ANKRD44: variants seen among roughly 807,000 people sequenced by gnomAD.
The protein encoded by ANKRD44 is serine/threonine-protein phosphatase 6 regulatory ankyrin repeat subunit B.
In ANKRD44, 35 loss-of-function variants were observed where a neutral mutation model predicts 116.0. That is an observed-to-expected ratio of 0.30 (90% confidence interval 0.23 to 0.40). The LOEUF (loss-of-function observed/expected upper bound fraction) is 0.40, where lower values mean the gene tolerates loss of function less well. Ranked by LOEUF, ANKRD44 falls within the 10% of genes least tolerant of loss-of-function variation. The pLI is 1.00. For synonymous variants in ANKRD44, 435 were observed against 461.8 expected, an observed-to-expected ratio of 0.94 and a Z score of 0.74; for missense variants, 1,014 against 1,242.6, an observed-to-expected ratio of 0.82 and a Z score of 2.77.
At chr2:197,181,902 G>A (rs948553439) in intron 2 of ANKRD44, among the ~76,000 whole-genome samples, 6 of 152,064 alleles carry the variant, frequency 3.9e-5, no homozygotes, top group Admixed American at 3.9e-4. Flanking sequence ...CCATTCTCTT[G>A]TCCTCTCCAA....
At chr2:197,134,986 T>C (rs749627053) in intron 4 of ANKRD44, 14 of 152,164 alleles carry the variant, frequency 9.2e-5, no homozygotes, top group Non-Finnish European at 1.8e-4. Flanking sequence ...CATGAGAAGA[T>C]TCTGAATTCT....
chr2:197,279,353 G>A (rs1246298348), intron 1 of ANKRD44, among the ~76,000 whole-genome samples: 2 of 152,160 alleles, frequency 1.3e-5, no homozygotes, highest in Non-Finnish European at 2.9e-5. Flanking sequence ...AAGCCATTGA[G>A]TCTCTATATA....
intron 6 of ANKRD44, among the ~76,000 whole-genome samples, chr2:197,123,499 C>T (rs2125331286): frequency 6.6e-6 from 1 of 152,288 alleles, no homozygotes; most frequent in African/African-American, 2.4e-5. Flanking sequence ...GGCATGGTGG[C>T]ACATGCCTGT....
chr2:197,169,023 C>A (rs147213589), intron 2 of ANKRD44, among the ~76,000 whole-genome samples: 1 of 152,290 alleles, frequency 6.6e-6, no homozygotes, highest in African/African-American at 2.4e-5. Context: ...TAAGTGGAAT[C>A]CAAACTCCTC....
At chr2:197,295,658 G>A (rs1380628509) in intron 1 of ANKRD44, among the ~76,000 whole-genome samples, 4 of 152,164 alleles carry the variant, frequency 2.6e-5, no homozygotes. Context: ...AAAGAAAACT[G>A]AGGCCCAAGG....
chr2:197,121,660 T>A (rs1157643644), intron 7 of ANKRD44, 116 bp from the exon 8 acceptor site: 1 of 872,588 alleles, frequency 1.1e-6, no homozygotes. Flanking sequence ...GCCAATATAA[T>A]TGTTCAGAGC....
intron 16 of ANKRD44, chr2:197,029,613 C>A: frequency 2.4e-6 from 1 of 418,280 alleles, no homozygotes; most frequent in South Asian, 1.8e-5. Flanking sequence ...AATGCAGAGT[C>A]ACTCCAGGGA....
chr2:197,136,487 G>T, intron 4 of ANKRD44, 105 bp downstream of exon 4: 2 of 1,035,820 alleles, frequency 1.9e-6, no homozygotes, highest in Non-Finnish European at 1.5e-6. Context: ...TCTTACATTA[G>T]AGGTAAAAGC....
chr2:197,010,064 A>G (rs2076270083), intron 18 of ANKRD44, among the ~76,000 whole-genome samples: 1 of 151,996 alleles, frequency 6.6e-6, no homozygotes, highest in Non-Finnish European at 1.5e-5. Flanking sequence ...AGGAGGAGGA[A>G]GGCGAGGAAG....
At chr2:197,048,545 T>G (rs1253437503) in intron 16 of ANKRD44, among the ~76,000 whole-genome samples, 1 of 152,238 alleles carries the variant, frequency 6.6e-6, no homozygotes, top group East Asian at 1.9e-4. Context: ...CTGCATAGTA[T>G]TCCATGGTGT....
At chr2:197,062,588 G>C (rs566864687) in intron 16 of ANKRD44, among the ~76,000 whole-genome samples, 1 of 152,064 alleles carries the variant, frequency 6.6e-6, no homozygotes, top group Non-Finnish European at 1.5e-5. Context: ...CTACCCAAGG[G>C]AAGCACCTGG....
intron 16 of ANKRD44, among the ~76,000 whole-genome samples, chr2:197,073,320 C>T (rs1203486804): frequency 6.6e-6 from 1 of 152,186 alleles, no homozygotes; most frequent in Non-Finnish European, 1.5e-5. Flanking sequence ...GTGAATGGAC[C>T]TTCCTGCTGG....
At chr2:197,209,909 A>G (rs927502570) in intron 1 of ANKRD44, among the ~76,000 whole-genome samples, 1 of 152,172 alleles carries the variant, frequency 6.6e-6, no homozygotes, top group African/African-American at 2.4e-5. Context: ...TGCGGCTAGA[A>G]GTTGAGGGCT....
intron 16 of ANKRD44, chr2:197,029,080 T>A (rs1277838772): frequency 6.0e-6 from 1 of 166,470 alleles, no homozygotes; most frequent in East Asian, 1.8e-4. Context: ...GCTGCACCCA[T>A]TAACTCGTCA....
chr2:197,074,972 G>A (rs1344689169), intron 16 of ANKRD44, among the ~76,000 whole-genome samples: 2 of 152,074 alleles, frequency 1.3e-5, no homozygotes, highest in African/African-American at 4.8e-5. Context: ...GAAGCTCCTA[G>A]AATATGTAAG....
intron 1 of ANKRD44, among the ~76,000 whole-genome samples, chr2:197,299,121 C>T (rs2083816115): frequency 6.6e-6 from 1 of 152,058 alleles, no homozygotes; most frequent in Non-Finnish European, 1.5e-5. Context: ...CTATTCACTG[C>T]AACTAGTCTG....
At chr2:197,028,147 G>A (rs976944861) in intron 16 of ANKRD44, among the ~76,000 whole-genome samples, 4 of 152,282 alleles carry the variant, frequency 2.6e-5, no homozygotes, top group Middle Eastern at 3.4e-3. Context: ...ACTAGCAATA[G>A]TATAGGTTAA....
intron 10 of ANKRD44, among the ~76,000 whole-genome samples, chr2:197,091,197 C>T (rs936747320): frequency 2.0e-5 from 3 of 152,216 alleles, no homozygotes; most frequent in Non-Finnish European, 4.4e-5. Flanking sequence ...TTGGGAGTTG[C>T]AGGCACCCCC....
chr2:197,249,730 G>T (rs953753603), intron 1 of ANKRD44, among the ~76,000 whole-genome samples: 3 of 152,134 alleles, frequency 2.0e-5, no homozygotes, highest in Non-Finnish European at 4.4e-5. Flanking sequence ...TTTATTTTGA[G>T]AATATTTATC....
Sources: gnomAD v4.1 joint callset for allele counts (sites outside exome capture counted in the v4.1 genomes callset) on GRCh38, gnomAD v4.1.1 for gene constraint, MANE v1.5 for transcripts, NCBI Gene and HGNC (gene_info 2026-07-23, HGNC 2026-07-21) for gene names.